The following ETFDH variants were observed in gnomAD, a reference collection of about 807,000 sequenced individuals.
ETFDH encodes electron transfer flavoprotein dehydrogenase.
In ETFDH, 61 loss-of-function variants were observed where a neutral mutation model predicts 73.2. That is an observed-to-expected ratio of 0.83 (90% CI 0.68 to 1.03). The LOEUF (loss-of-function observed/expected upper bound fraction) is 1.03. ETFDH is among the 50% of genes least tolerant of loss of function. The pLI is 0.00. For missense variants in ETFDH, 685 were observed against 745.0 expected (o/e 0.92, Z 0.94); for synonymous variants, 243 against 253.3 (o/e 0.96, Z 0.39).
In ETFDH at chr4:158,699,110, C is replaced by G. The variant is rs1384191980; in HGVS notation, c.1096C>G (p.Leu366Val). ...AAGGATTGCATACGGAGCCAGAGCT[C>G]TCAATGAAGGTGGCTTTCAGGTAAC... ...GKRIAYGARA[L>V]NEGGFQSIPK... is the part of the protein sequence containing the mutation. Residue 366 changes from leucine to valine, a missense_variant, in exon 9 of 13, where the codon CTC (leucine) becomes GTC (valine). Leu to Val is a conservative substitution (Grantham distance 32). Transcript: ENST00000511912. 2 of 1,613,850 alleles carry G rather than the reference C, an allele frequency of 1.2e-6. No homozygotes were observed. Among genetic ancestry groups the G allele is most frequent in the Non-Finnish European group, 1.7e-6 (2 of 1,179,902 alleles).
In ETFDH at chr4:158,672,408, C is replaced by A; in HGVS notation, c.-49C>A. 1 of 1,608,630 alleles carries A rather than the reference C, an allele frequency of 6.2e-7. No homozygotes were observed. Among genetic ancestry groups the A allele is most frequent in the Non-Finnish European group, 8.5e-7 (1 of 1,175,158 alleles). The stretch of plus-strand genomic sequence containing the variant: ...GAGGTCCAGCGCCCGCCGCGAGCAG[C>A]GGACAGTCCTCCTGTTGTGTCCGAC... On this transcript the variant is annotated 5_prime_UTR_variant, in exon 1 of 13. Coordinates refer to ENST00000511912, the MANE Select transcript of ETFDH (RefSeq NM_004453.4).
chr4:158,688,570 G>A (rs530749204), intron 5 of ETFDH, among the ~76,000 whole-genome samples: 2 of 151,914 alleles, frequency 1.3e-5, no homozygotes, highest in Non-Finnish European at 2.9e-5. Context: ...CTACTTGGGA[G>A]GCTGAGGCAG....
intron 6 of ETFDH, among the ~76,000 whole-genome samples, chr4:158,690,828 A>T (rs1288211292): frequency 6.6e-6 from 1 of 152,180 alleles, no homozygotes; most frequent in Non-Finnish European, 1.5e-5. Context: ...ACATGGTGAG[A>T]CCCTGTCTCT....
intron 10 of ETFDH, among the ~76,000 whole-genome samples, chr4:158,704,718 G>T (rs1774562008): frequency 6.6e-6 from 1 of 152,174 alleles, no homozygotes; most frequent in Non-Finnish European, 1.5e-5. Flanking sequence ...CGACTCCATA[G>T]ATATTTGATA....
chr4:158,672,673 A>T (rs748781282), intron 1 of ETFDH, among the ~76,000 whole-genome samples, 183 bp downstream of exon 1: 1 of 152,100 alleles, frequency 6.6e-6, no homozygotes, highest in Non-Finnish European at 1.5e-5. Flanking sequence ...GGGTTGCCCC[A>T]GTTGGTAGAA....
chr4:158,703,584 G>A lies in ETFDH; in HGVS notation c.1278G>A (p.Lys426=), dbSNP rs1284823413. The A allele has an allele frequency of 1.9e-6, 3 of 1,590,758 alleles. No homozygotes were observed. In the East Asian group the frequency reaches 6.7e-5, roughly 36 times the overall value. The change falls in exon 10 of 13, where the codon AAG becomes AAA. Residue 426 remains lysine (K), a synonymous_variant. Coordinates refer to ENST00000511912, the MANE Select transcript of ETFDH (RefSeq NM_004453.4). The part of the protein sequence containing the change: ...NQLTSENLQS[K]TIGLHVTEYE... ...TAACTAGTGAAAATCTCCAATCAAA[G>A]ACAATAGGTAAGAAATTCCTGTGTA...
At chr4:158,685,070 T>C in intron 4 of ETFDH, 31 bp from the exon 5 acceptor site, 1 of 1,270,124 alleles carries the variant, frequency 7.9e-7, no homozygotes, top group African/African-American at 1.5e-5. Context: ...CAATAAAAAG[T>C]CAGATTTATA....
intron 8 of ETFDH, among the ~76,000 whole-genome samples, chr4:158,698,061 G>C (rs966266707): frequency 3.0e-4 from 45 of 152,300 alleles, no homozygotes; most frequent in Admixed American, 1.9e-3. Flanking sequence ...AGAAATGCCT[G>C]ACCTTGTCTG....
At chr4:158,690,655 G>C (rs377330150) in intron 6 of ETFDH, among the ~76,000 whole-genome samples, 3 of 150,316 alleles carry the variant, frequency 2.0e-5, no homozygotes, top group East Asian at 3.9e-4. Flanking sequence ...TTTCAGCTTG[G>C]GTGAGTGACA....
intron 6 of ETFDH, among the ~76,000 whole-genome samples, chr4:158,692,512 A>G (rs984106078): frequency 4.0e-5 from 6 of 151,600 alleles, no homozygotes; most frequent in Admixed American, 2.0e-4. Context: ...CCTGTCCTGC[A>G]GTAAGGCCTA....
chr4:158,686,835 C>T (rs557044271), intron 5 of ETFDH, among the ~76,000 whole-genome samples: 1 of 152,056 alleles, frequency 6.6e-6, no homozygotes, highest in Non-Finnish European at 1.5e-5. Flanking sequence ...GGTAAGACTT[C>T]CCCCTCACCC....
chr4:158,685,989 G>A (rs895492807), intron 5 of ETFDH, among the ~76,000 whole-genome samples: 3 of 152,120 alleles, frequency 2.0e-5, no homozygotes, highest in Non-Finnish European at 2.9e-5. Context: ...GCTTTTTTCT[G>A]TTTTCTTTTC....
chr4:158,692,888 A>AAT (rs1554032445), intron 6 of ETFDH, among the ~76,000 whole-genome samples: 104 of 119,098 alleles, frequency 8.7e-4, no homozygotes, highest in African/African-American at 3.2e-3. Context: ...AAAAAAAAAA[A>AAT]ACATATATAT....
Position 158,703,311 on chromosome 4 carries a change from A to G in ETFDH, c.1117-112A>G, listed in dbSNP as rs77408245. ...TTGCTCAATTCATTTTCATGTATTT[A>G]TTTTTCAGCCTTTCCCTACAGCTCT... On this transcript the variant is annotated intron_variant, in intron 9 of 12. Coordinates refer to ENST00000511912, the MANE Select transcript of ETFDH (RefSeq NM_004453.4). The G allele has an allele frequency of 0.03, 23,249 of 783,698 alleles. 513 individuals are homozygous for G. Among genetic ancestry groups the G allele is most frequent in the Admixed American group, 0.071 (3,440 of 48,786 alleles). The allele number at this position is 783,698 out of a possible 1,614,324, so 48.5% of individuals were successfully genotyped here. A position where few individuals can be genotyped will look rare whatever the true frequency, so the allele number is the denominator to read the frequency against.
chr4:158,680,523 A>G lies in ETFDH; in HGVS notation c.91A>G (p.Thr31Ala), dbSNP rs182144074. The change falls in exon 2 of 13, where the codon ACA (threonine) becomes GCA (alanine). Residue 31 changes from threonine to alanine, a missense_variant. Around this residue, in one of 3 missense-constraint regions of ETFDH, gnomAD observed 405 missense variants for 399.3 expected, o/e 1.01. Transcript: ENST00000511912. ...IKKNYLPLCA[T>A]RWSSTSTVPR... Reference sequence around the variant, plus strand: ...GAAAAATTATCTACCTCTATGTGCTACAAGATGGTCTTCAACTTCTACTGT... The same window carrying G: ...GAAAAATTATCTACCTCTATGTGCTGCAAGATGGTCTTCAACTTCTACTGT... The G allele has an allele frequency of 1.0e-5, 16 of 1,601,196 alleles. No individual in the cohort carries two copies. The East Asian group carries it at 1.8e-4, about 18-fold the overall frequency.
At chr4:158,695,466 T>C in intron 6 of ETFDH, 31 bp from the exon 7 acceptor site, 2 of 1,592,886 alleles carry the variant, frequency 1.3e-6, no homozygotes, top group Non-Finnish European at 1.7e-6. Flanking sequence ...AATTGTCAAA[T>C]GTTGCCATTT....
rs572956173 is a variant in ETFDH, at chr4:158,680,629, A to G, written c.175+22A>G. The G allele has an allele frequency of 1.0e-4, 164 of 1,595,214 alleles. No homozygotes were observed. In the East Asian group the frequency reaches 3.2e-3, roughly 31 times the overall value. Reference sequence around the variant, plus strand: ...GAAGGTAAGTAATAATTTGTGTACAATTCCTGAGACTTTTCTGGATACTTT... The same window carrying G: ...GAAGGTAAGTAATAATTTGTGTACAGTTCCTGAGACTTTTCTGGATACTTT... On this transcript the variant is annotated intron_variant, in intron 2 of 12. Transcript: ENST00000511912.
intron 5 of ETFDH, among the ~76,000 whole-genome samples, chr4:158,687,074 A>G (rs1774025126): frequency 6.6e-6 from 1 of 152,182 alleles, no homozygotes; most frequent in South Asian, 2.1e-4. Flanking sequence ...TGAAGAACAT[A>G]CAGCAACCTG....
chr4:158,697,170 C>A (rs1411751822), intron 7 of ETFDH, among the ~76,000 whole-genome samples: 1 of 152,058 alleles, frequency 6.6e-6, no homozygotes, highest in Non-Finnish European at 1.5e-5. Flanking sequence ...TCTTGGCTCA[C>A]CGCAACTTCT....
Sources: allele counts gnomAD v4.1 joint callset (sites outside exome capture counted in the v4.1 genomes callset), GRCh38; gene constraint gnomAD v4.1.1; regional missense constraint gnomAD v4.1.1; transcripts MANE v1.5; gene names NCBI Gene and HGNC (gene_info 2026-07-23, HGNC 2026-07-21).